The following FRMD6 variants were observed in gnomAD, a reference collection of about 807,000 sequenced individuals.
The protein encoded by FRMD6 is FERM domain containing 6.
Under a neutral mutation model 73.2 loss-of-function variants are expected in FRMD6, and 37 were observed. The observed-to-expected ratio is 0.51, with a 90% confidence interval of 0.39 to 0.66. The LOEUF (loss-of-function observed/expected upper bound fraction) is 0.66. Among genes scored for constraint, FRMD6 ranks in the 30% least tolerant of loss-of-function variants. FRMD6 has a pLI of 0.00. For missense variants in FRMD6, 714 were observed against 780.5 expected, an observed-to-expected ratio of 0.91 and a Z score of 1.02; for synonymous variants, 273 against 282.2, an observed-to-expected ratio of 0.97 and a Z score of 0.33.
the FRMD6 span, among the ~76,000 whole-genome samples, chr14:51,418,969 T>G: frequency 6.6e-6 from 1 of 152,240 alleles, no homozygotes; most frequent in Non-Finnish European, 1.5e-5. Flanking sequence ...CTCTGTGGGC[T>G]TGGGATCCAC....
the FRMD6 span, among the ~76,000 whole-genome samples, chr14:51,462,781 A>G: frequency 6.8e-6 from 1 of 147,794 alleles, no homozygotes; most frequent in Non-Finnish European, 1.5e-5. Flanking sequence ...AAAATAAGGG[A>G]GGAAGAGAGA....
In FRMD6 at chr14:51,708,075, C is replaced by A. The variant is rs758300678; in HGVS notation, c.559-3C>A. ...GCATTGCACACCCCTTGTATCCCAA[C>A]AGGTTGTTTCCAAGAGGGGGAAGGA... On this transcript the variant is annotated splice_region_variant and splice_polypyrimidine_tract_variant and intron_variant, in intron 6 of 13. Coordinates refer to ENST00000344768, the MANE Select transcript of FRMD6 (RefSeq NM_001267046.2). 5 of 1,612,832 alleles carry A rather than the reference C, an allele frequency of 3.1e-6. No homozygotes were observed. In the East Asian group the frequency reaches 8.9e-5, roughly 29 times the overall value.
intron 2 of FRMD6, among the ~76,000 whole-genome samples, chr14:51,585,112 G>C (rs144490036): frequency 6.6e-6 from 1 of 152,178 alleles, no homozygotes; most frequent in Non-Finnish European, 1.5e-5. Flanking sequence ...CTGTCTCTAG[G>C]ACAGCCTGGC....
chr14:51,536,937 A>C (rs951541483), intron 1 of FRMD6, among the ~76,000 whole-genome samples: 1 of 151,994 alleles, frequency 6.6e-6, no homozygotes, highest in Admixed American at 6.6e-5. Flanking sequence ...TATCCTGACT[A>C]CCCCCTGCCC....
At chr14:51,669,156 A>G (rs1388014855) in intron 1 of FRMD6, among the ~76,000 whole-genome samples, 1 of 151,838 alleles carries the variant, frequency 6.6e-6, no homozygotes, top group Non-Finnish European at 1.5e-5. Context: ...CTCCCCTGCC[A>G]CTCTAGATGC....
chr14:51,687,343 G>C (rs1468818399), intron 1 of FRMD6, among the ~76,000 whole-genome samples: 2 of 151,912 alleles, frequency 1.3e-5, no homozygotes, highest in East Asian at 3.8e-4. Flanking sequence ...ATTACTTAAG[G>C]GTTTGAATTT....
At chr14:51,442,174 T>G in the FRMD6 span, among the ~76,000 whole-genome samples, 10 of 152,228 alleles carry the variant, frequency 6.6e-5, no homozygotes, top group Non-Finnish European at 1.0e-4. Flanking sequence ...ACAGTGACTT[T>G]AACAATTCTG....
the FRMD6 span, among the ~76,000 whole-genome samples, chr14:51,462,071 G>A: frequency 6.6e-6 from 1 of 151,944 alleles, no homozygotes; most frequent in African/African-American, 2.4e-5. Context: ...AAAGAAGGAA[G>A]CAAGGAAAGA....
intron 2 of FRMD6, chr14:51,637,422 A>G (rs1242778858): frequency 1.3e-5 from 2 of 151,656 alleles, no homozygotes; most frequent in Admixed American, 6.6e-5. Flanking sequence ...TGTCAAATAT[A>G]TGTCATTCTT....
intron 3 of FRMD6, among the ~76,000 whole-genome samples, chr14:51,699,703 G>A (rs529065625): frequency 1.6e-4 from 24 of 152,000 alleles, no homozygotes; most frequent in Admixed American, 7.9e-4. Context: ...ATAAAGCTCT[G>A]GTCAGATTGT....
intron 1 of FRMD6, among the ~76,000 whole-genome samples, chr14:51,545,883 T>G (rs567012977): frequency 6.6e-6 from 1 of 152,258 alleles, no homozygotes; most frequent in Admixed American, 6.5e-5. Context: ...AAAAAAGCAG[T>G]GAAATCCTAA....
At chr14:51,564,366 A>G (rs1242917777) in intron 1 of FRMD6, among the ~76,000 whole-genome samples, 1 of 152,232 alleles carries the variant, frequency 6.6e-6, no homozygotes, top group Non-Finnish European at 1.5e-5. Context: ...GAATTTGGGC[A>G]GAACCTGTAT....
chr14:51,477,346 G>A, the FRMD6 span, among the ~76,000 whole-genome samples: 4 of 152,206 alleles, frequency 2.6e-5, no homozygotes, highest in East Asian at 5.8e-4. Flanking sequence ...TGATGTTTAC[G>A]TGCAAAGGCT....
chr14:51,418,078 TC>T, the FRMD6 span, among the ~76,000 whole-genome samples: 1 of 152,186 alleles, frequency 6.6e-6, no homozygotes, highest in African/African-American at 2.4e-5. Context: ...GTTTTTAGCT[TC>T]CTTGTGATGG....
rs150209405 is a variant in FRMD6, at chr14:51,555,932, G to C, written c.-209-14416G>C. On this transcript the variant is annotated intron_variant, in intron 1 of 14. Coordinates refer to the FRMD6 transcript ENST00000356218. ...TCCTATGTAAGGTCCAAATTCTTTG[G>C]ATGATTTGTTCAAAAGTTGGAACAA... 2.5e-3 allele frequency among the ~76,000 whole-genome samples: 382 copies of C among 152,296 alleles called. 2 individuals are homozygous for C. Among genetic ancestry groups the C allele is most frequent in the African/African-American group, 8.6e-3 (358 of 41,554 alleles).
intron 1 of FRMD6, among the ~76,000 whole-genome samples, chr14:51,494,293 G>A (rs1883174234): frequency 6.6e-6 from 1 of 152,086 alleles, no homozygotes; most frequent in South Asian, 2.1e-4. Context: ...TTCATTCTGA[G>A]GCAAATTGCT....
chr14:51,612,573 T>C (rs1024081082), intron 2 of FRMD6, among the ~76,000 whole-genome samples: 1 of 152,194 alleles, frequency 6.6e-6, no homozygotes, highest in Non-Finnish European at 1.5e-5. Flanking sequence ...TTAGTAGAAA[T>C]GCCTACTTCA....
chr14:51,429,150 G>C, the FRMD6 span, among the ~76,000 whole-genome samples: 2 of 152,174 alleles, frequency 1.3e-5, no homozygotes, highest in African/African-American at 4.8e-5. Flanking sequence ...TGTGTGTGAA[G>C]TCATCTTTGA....
intron 1 of FRMD6, chr14:51,565,515 C>T (rs568733385): frequency 7.2e-5 from 11 of 152,230 alleles, no homozygotes; most frequent in African/African-American, 2.6e-4. Context: ...AAGAAACAAC[C>T]CTTTTCACTT....
Sources: allele counts gnomAD v4.1 joint callset (sites outside exome capture counted in the v4.1 genomes callset), GRCh38; gene constraint gnomAD v4.1.1; transcripts MANE v1.5; gene names NCBI Gene and HGNC (gene_info 2026-07-23, HGNC 2026-07-21).